AFM: variants seen among roughly 807,000 people sequenced by gnomAD.
AFM encodes alpha-Alb.
Under a neutral mutation model 68.7 loss-of-function variants are expected in AFM, and 82 were observed. That is an observed-to-expected ratio of 1.19 (90% CI 1.00 to 1.43). The LOEUF (loss-of-function observed/expected upper bound fraction) is 1.43, where lower values mean the gene tolerates loss of function less well. AFM is among the 40% of genes most tolerant of loss of function. The pLI is 0.00. For synonymous variants in AFM, 250 were observed against 234.2 expected (o/e 1.07, Z -0.61); for missense variants, 772 against 701.8 (o/e 1.10, Z -1.13).
At chr4:73,495,967 A>G (rs1229154346) in intron 9 of AFM, among the ~76,000 whole-genome samples, 2 of 152,232 alleles carry the variant, frequency 1.3e-5, no homozygotes, top group Non-Finnish European at 2.9e-5. Context: ...TTTTAAAAAT[A>G]AGATTGGCAT....
chr4:73,492,867 GT>G (rs1228681895), intron 8 of AFM, among the ~76,000 whole-genome samples: 3,397 of 140,312 alleles, frequency 0.024, 68 homozygotes, highest in Non-Finnish European at 0.032. Flanking sequence ...GGACTTTACT[GT>G]TTTTTTTTTT....
chr4:73,494,964 T>G (rs1299099116), intron 8 of AFM, among the ~76,000 whole-genome samples: 1 of 152,234 alleles, frequency 6.6e-6, no homozygotes, highest in Non-Finnish European at 1.5e-5. Flanking sequence ...TCAAACATAA[T>G]TATAAGCAAT....
intron 1 of AFM, among the ~76,000 whole-genome samples, chr4:73,482,928 T>A (rs185821612): frequency 5.3e-5 from 8 of 152,264 alleles, no homozygotes; most frequent in Non-Finnish European, 1.0e-4. Flanking sequence ...TTTCCAGGGC[T>A]CTCCATGTCT....
At position 73,500,093 on chromosome 4, in the gene AFM, C is replaced by T. The variant is rs1721386203; in HGVS notation, c.1512C>T (p.Ala504=). 7 of 1,614,044 alleles carry T rather than the reference C, an allele frequency of 4.3e-6. No individual in the cohort carries two copies. The highest frequency in any genetic ancestry group is 5.1e-6 in the Non-Finnish European group (6 of 1,179,972). The change falls in exon 12 of 15, where the codon GCC becomes GCT. Residue 504 remains alanine, a synonymous_variant. Transcript: ENST00000226355. ...ACCACTGCTGTAAAACAAACTTTGC[C>T]TTCAGAAGGCCCTGCTTTGAGAGTT... ...AVDHCCKTNF[A]FRRPCFESLK...
At chr4:73,498,694 C>T (rs1727724989) in intron 10 of AFM, among the ~76,000 whole-genome samples, 1 of 152,178 alleles carries the variant, frequency 6.6e-6, no homozygotes, top group African/African-American at 2.4e-5. Context: ...ACAATTCAAA[C>T]TTAGTTCATT....
At chr4:73,482,076 G>T (rs1309070827) in intron 1 of AFM, among the ~76,000 whole-genome samples, 1 of 152,158 alleles carries the variant, frequency 6.6e-6, no homozygotes, top group African/African-American at 2.4e-5. Flanking sequence ...AGAAAGAGTT[G>T]TCACATCTGA....
intron 9 of AFM, among the ~76,000 whole-genome samples, chr4:73,496,041 G>T (rs973605322): frequency 1.3e-5 from 2 of 152,054 alleles, no homozygotes; most frequent in Non-Finnish European, 2.9e-5. Context: ...TTTTGTTGTT[G>T]TTGTTATAAA....
chr4:73,483,814 C>A (rs1720779334), intron 1 of AFM, 127 bp from the exon 2 acceptor site: 5 of 719,452 alleles, frequency 6.9e-6, no homozygotes, highest in Admixed American at 8.4e-5. Context: ...GTTAAATATG[C>A]AAAATTATCT....
intron 7 of AFM, 46 bp downstream of exon 7, chr4:73,488,805 T>G (rs186975064): frequency 6.4e-7 from 1 of 1,568,990 alleles, no homozygotes; most frequent in African/African-American, 1.4e-5. Context: ...TTTTGGCAAT[T>G]ATCATTTTTT....
chr4:73,503,018 C>G, intron 13 of AFM, 32 bp from the exon 14 acceptor site: 2 of 1,608,554 alleles, frequency 1.2e-6, no homozygotes, highest in South Asian at 1.1e-5. Flanking sequence ...ATTTTTCTTC[C>G]TATGTGTTTT....
rs746565207 is a variant in AFM, at chr4:73,501,873, A to G, written c.1733A>G (p.Asp578Gly). ...TTTACAAATTTCGCAAATGTAGTGG[A>G]TAAGTGCTGCAAAGCAGAGAGTCCT... Reference protein sequence around the residue: ...SLFTNFANVVDKCCKAESPEV... With the variant: ...SLFTNFANVVGKCCKAESPEV... The change falls in exon 13 of 15, where the codon GAT becomes GGT. Residue 578 changes from aspartate to glycine, a missense_variant. Asp to Gly is a moderately conservative substitution (Grantham distance 94, BLOSUM62 -1). Coordinates refer to ENST00000226355, the MANE Select transcript of AFM (RefSeq NM_001133.2). The G allele has an allele frequency of 4.9e-5, 79 of 1,613,478 alleles. No homozygotes were observed. The highest frequency in any genetic ancestry group is 6.4e-5 in the Non-Finnish European group (75 of 1,179,686).
At chr4:73,496,409 A>G (rs899540457) in intron 9 of AFM, among the ~76,000 whole-genome samples, 4 of 152,196 alleles carry the variant, frequency 2.6e-5, no homozygotes, top group South Asian at 4.2e-4. Context: ...CCTTCCATTT[A>G]TCTTTATTAA....
chr4:73,496,203 T>A (rs1721249965), intron 9 of AFM, among the ~76,000 whole-genome samples: 1 of 152,232 alleles, frequency 6.6e-6, no homozygotes, highest in Non-Finnish European at 1.5e-5. Context: ...GGGAAGCTAG[T>A]CCTTGACTCT....
chr4:73,484,136 A>G, intron 2 of AFM, 122 bp from the exon 3 acceptor site: 2 of 1,429,080 alleles, frequency 1.4e-6, no homozygotes, highest in East Asian at 2.4e-5. Flanking sequence ...GAAGTTGTAA[A>G]ATTTATAGCC....
At position 73,484,360 on chromosome 4, in the gene AFM, C is replaced by T; in HGVS notation, c.240C>T (p.Asp80=). The change falls in exon 3 of 15, where the codon GAC becomes GAT. Residue 80 remains aspartate, a synonymous_variant. Transcript: ENST00000226355. ...AATACAAAGACAGATGTATGGCTGA[C>T]AAGACGCTCCCAGAGTGTTCAAAAT... ...MVEYKDRCMA[D]KTLPECSKLP... 1.2e-6 allele frequency: 2 copies of T among 1,611,604 alleles called. No homozygotes were observed. The highest frequency in any genetic ancestry group is 1.7e-6 in the Non-Finnish European group (2 of 1,179,004).
In AFM at chr4:73,497,808, C is replaced by T. The variant is rs1286439138; in HGVS notation, c.1289+59C>T. On this transcript the variant is annotated intron_variant, in intron 10 of 14. Coordinates refer to ENST00000226355, the MANE Select transcript of AFM (RefSeq NM_001133.2). ...CACTAGAATTGAATACATAATCCCT[C>T]GAAGCGTAAAAAAGTTAGCTGTCAA... The T allele has an allele frequency of 5.5e-6, 6 of 1,098,508 alleles. No individual in the cohort carries two copies. In the African/African-American group the frequency reaches 6.5e-5, roughly 12 times the overall value. 68.0% of individuals were successfully genotyped at this position (1,098,508 alleles called of 1,614,324 possible). A position where few individuals can be genotyped will look rare whatever the true frequency, so the allele number is the denominator to read the frequency against.
intron 7 of AFM, among the ~76,000 whole-genome samples, chr4:73,489,151 C>T (rs1448084750): frequency 6.6e-6 from 1 of 152,104 alleles, no homozygotes; most frequent in African/African-American, 2.4e-5. Flanking sequence ...GAGCTGATTT[C>T]CCTGAGCTTC....
intron 10 of AFM, 127 bp downstream of exon 10, chr4:73,497,876 T>A: frequency 2.0e-6 from 1 of 508,396 alleles, no homozygotes; most frequent in East Asian, 3.4e-5. Context: ...GGAAGAATTT[T>A]TTTTTAAAGT....
Position 73,486,845 on chromosome 4 carries a change from T to C in AFM, c.483-122T>C, listed in dbSNP as rs79671267. The C allele has an allele frequency of 1.8e-3, 1,739 of 986,672 alleles. 23 individuals are homozygous for C. In the African/African-American group the frequency reaches 0.026, roughly 15 times the overall value. 61.1% of individuals were successfully genotyped at this position (986,672 alleles called of 1,614,324 possible). A position where few individuals can be genotyped will look rare whatever the true frequency, so the allele number is the denominator to read the frequency against. ...ACAACTTGCTCTTCTTGTCTCTTTCTATTTTTTCTTTTCCTTCCCATCTTA... is the reference window on the plus strand; with the variant it reads ...ACAACTTGCTCTTCTTGTCTCTTTCCATTTTTTCTTTTCCTTCCCATCTTA... On this transcript the variant is annotated intron_variant, in intron 4 of 14. Coordinates refer to ENST00000226355, the MANE Select transcript of AFM (RefSeq NM_001133.2).
Sources: allele counts gnomAD v4.1 joint callset (sites outside exome capture counted in the v4.1 genomes callset), GRCh38; gene constraint gnomAD v4.1.1; transcripts MANE v1.5; gene names NCBI Gene and HGNC (gene_info 2026-07-23, HGNC 2026-07-21).